The following CSAD variants were observed in gnomAD, a reference collection of about 807,000 sequenced individuals.
CSAD encodes P-selectin cytoplasmic tail-associated protein.
In CSAD, 47 loss-of-function variants were observed where a neutral mutation model predicts 61.5. That is an observed-to-expected ratio of 0.76 (90% CI 0.60 to 0.97). The LOEUF is 0.97. Among genes scored for constraint, CSAD ranks in the 50% least tolerant of loss-of-function variants. The probability of loss-of-function intolerance (pLI) is 0.00; values close to 1 mark genes in which losing one functional copy is unlikely to be tolerated. For synonymous variants in CSAD, 245 were observed against 252.7 expected, an observed-to-expected ratio of 0.97 and a Z score of 0.29; for missense variants, 611 against 643.6, an observed-to-expected ratio of 0.95 and a Z score of 0.55.
At position 53,161,299 on chromosome 12, in the gene CSAD, G is replaced by T. The variant is rs756706216; in HGVS notation, c.793C>A (p.Arg265Ser). The change falls in exon 11 of 17, where the codon CGT becomes AGT. Residue 265 changes from arginine (R) to serine (S), a missense_variant. Physicochemically the swap from Arg to Ser is moderately radical, Grantham distance 110 (BLOSUM62 -1). Transcript: ENST00000444623. ...TCCACATGCAGCCATAGCCCATGACGCTGGCACACATCAGCAATTGCCTCC... is the reference window on the plus strand; with the variant it reads ...TCCACATGCAGCCATAGCCCATGACTCTGGCACACATCAGCAATTGCCTCC... ...PLEAIADVCQ[R>S]HGLWLHVDAA... 6.2e-7 allele frequency: 1 copy of T among 1,614,034 alleles called. No homozygotes were observed. The highest frequency in any genetic ancestry group is 8.5e-7 in the Non-Finnish European group (1 of 1,180,002).
At chr12:53,172,733 C>A in intron 4 of CSAD, 85 bp from the exon 5 acceptor site, 1 of 1,418,100 alleles carries the variant, frequency 7.1e-7, no homozygotes. Flanking sequence ...CGAGACACGG[C>A]CAACCTGCAC....
At chr12:53,168,717 T>C (rs1027113209) in intron 10 of CSAD, among the ~76,000 whole-genome samples, 6 of 152,242 alleles carry the variant, frequency 3.9e-5, no homozygotes, top group Non-Finnish European at 8.8e-5. Flanking sequence ...ACAGTGCATC[T>C]ATGTGCCAGG....
chr12:53,162,990 G>A (rs1939474130), intron 10 of CSAD, among the ~76,000 whole-genome samples: 2 of 151,904 alleles, frequency 1.3e-5, no homozygotes, highest in African/African-American at 2.4e-5. Context: ...AAACCCGGGA[G>A]GCGGAGGTTG....
At chr12:53,161,463 G>T in intron 10 of CSAD, 74 bp from the exon 11 acceptor site, 1 of 1,237,946 alleles carries the variant, frequency 8.1e-7, no homozygotes. Context: ...GCTGGGCCCA[G>T]CTCTAAGCTC....
chr12:53,158,727 G>A (rs749358128), intron 16 of CSAD, 43 bp from the exon 17 acceptor site: 64 of 1,588,346 alleles, frequency 4.0e-5, no homozygotes, highest in Non-Finnish European at 5.3e-5. Flanking sequence ...GCCTGGGTCG[G>A]CTGACAGGTA....
rs1299606224 is a variant in CSAD, at chr12:53,158,484, C to A, written c.*27G>T. 1.5e-5 allele frequency: 24 copies of A among 1,602,522 alleles called. No homozygotes were observed. The highest frequency in any genetic ancestry group is 2.0e-5 in the Non-Finnish European group (24 of 1,172,030). The stretch of plus-strand genomic sequence containing the variant: ...TGACTCTGCGGGTGAGGGGTGGTAT[C>A]AAGGCCGGCAGCAAGACAGAGAAGG... On this transcript the variant is annotated 3_prime_UTR_variant, in exon 17 of 17. Transcript: ENST00000444623.
chr12:53,180,503 G>C (rs530202719), intron 1 of CSAD: 1 of 1,250,796 alleles, frequency 8.0e-7, no homozygotes, highest in Non-Finnish European at 1.0e-6. Context: ...CCCCGGCCAC[G>C]GCGCACGCGC....
At chr12:53,169,949 C>G (rs1228278215) in intron 10 of CSAD, 123 bp downstream of exon 10, 4 of 843,902 alleles carry the variant, frequency 4.7e-6, no homozygotes, top group Non-Finnish European at 7.9e-6. Context: ...ATGGTCACTT[C>G]AGCCCACAGG....
intron 1 of CSAD, among the ~76,000 whole-genome samples, chr12:53,179,363 G>A (rs1304276530): frequency 1.2e-4 from 18 of 152,110 alleles, no homozygotes; most frequent in Admixed American, 1.2e-3. Context: ...AAAGATTTTT[G>A]TATGAACACA....
intron 1 of CSAD, chr12:53,180,047 C>T (rs1273266976): frequency 2.1e-6 from 3 of 1,415,910 alleles, no homozygotes; most frequent in East Asian, 5.2e-5. Context: ...AGGTAACCAA[C>T]CAGGCTGGCC....
At chr12:53,176,636 G>A (rs567911126) in intron 2 of CSAD, among the ~76,000 whole-genome samples, 4 of 149,552 alleles carry the variant, frequency 2.7e-5, no homozygotes, top group Admixed American at 6.6e-5. Flanking sequence ...GGAGAACGGC[G>A]AGAACCCGGG....
chr12:53,165,291 T>C (rs949067944), intron 10 of CSAD, among the ~76,000 whole-genome samples: 2 of 151,682 alleles, frequency 1.3e-5, no homozygotes, highest in Admixed American at 6.6e-5. Flanking sequence ...CAGTGAACCA[T>C]GATCGCACCA....
At chr12:53,179,349 T>A (rs967666447) in intron 1 of CSAD, among the ~76,000 whole-genome samples, 7 of 152,198 alleles carry the variant, frequency 4.6e-5, no homozygotes, top group African/African-American at 1.4e-4. Flanking sequence ...TAAATACTGG[T>A]TGAAAAGATT....
At chr12:53,172,281 C>T (rs944049410) in intron 6 of CSAD, 65 bp downstream of exon 6, 4 of 1,417,646 alleles carry the variant, frequency 2.8e-6, no homozygotes, top group East Asian at 2.3e-5. Context: ...TCCCCTACCC[C>T]TCAGGCACCT....
chr12:53,173,272 A>T, intron 4 of CSAD, 73 bp downstream of exon 4: 1 of 1,402,158 alleles, frequency 7.1e-7, no homozygotes, highest in Non-Finnish European at 9.9e-7. Flanking sequence ...GGAGAAAGAA[A>T]AGAAAGGAAA....
chr12:53,162,127 G>A (rs1939354412), intron 10 of CSAD, among the ~76,000 whole-genome samples: 1 of 151,870 alleles, frequency 6.6e-6, no homozygotes, highest in South Asian at 2.1e-4. Context: ...TGGGTGTGGT[G>A]GTGCACGCCT....
rs1940820619 is a variant in CSAD at position 53,173,345 on chromosome 12, CTTCTGGGAGACACTGG to C, written c.110_125del (p.Thr37ArgfsTer11). 6.2e-7 allele frequency: 1 copy of C among 1,613,720 alleles called. No individual in the cohort carries two copies. The highest frequency in any genetic ancestry group is 8.5e-7 in the Non-Finnish European group (1 of 1,179,772). On this transcript the variant is annotated frameshift_variant and splice_region_variant, in exon 4 of 17. Transcript: ENST00000444623. LOFTEE classifies it high-confidence loss of function. ...GAAGGAGGAGGAAGAAAGGACTCAC[CTTCTGGGAGACACTGG>C]TTCCTTTCTGAATGGCCTCATCCAC... is the stretch of plus-strand genomic sequence containing the variant.
chr12:53,180,582 C>G (rs34628172), intron 1 of CSAD, 150 bp downstream of exon 1: 16 of 1,284,868 alleles, frequency 1.2e-5, no homozygotes, highest in Non-Finnish European at 1.6e-5. Flanking sequence ...TGCACCTCTC[C>G]GTGCGTCCCC....
intron 10 of CSAD, among the ~76,000 whole-genome samples, chr12:53,165,626 G>A (rs1401756337): frequency 1.4e-5 from 2 of 142,042 alleles, no homozygotes; most frequent in Admixed American, 7.4e-5. Flanking sequence ...TCACGACACT[G>A]CACTCCAGCC....
Sources: gnomAD v4.1 joint callset for allele counts (sites outside exome capture counted in the v4.1 genomes callset) on GRCh38, gnomAD v4.1.1 for gene constraint, MANE v1.5 for transcripts, NCBI Gene and HGNC (gene_info 2026-07-23, HGNC 2026-07-21) for gene names.